Variants in MSRA observed in about 807,000 individuals in gnomAD.
MSRA encodes methionine sulfoxide reductase A.
In MSRA, 54 loss-of-function variants were observed where a neutral mutation model predicts 31.3. The ratio of observed to expected loss-of-function variants is 1.73; its 90% CI spans 1.39 to 2.17. The LOEUF is 2.17. Ranked by LOEUF, MSRA falls within the 30% of genes most tolerant of loss-of-function variation. MSRA has a pLI of 0.00. For missense variants in MSRA, 507 were observed against 300.9 expected, an observed-to-expected ratio of 1.69 and a Z score of -5.07; for synonymous variants, 169 against 116.5, an observed-to-expected ratio of 1.45 and a Z score of -2.90.
chr8:10,248,522 C>G (rs1424311228), intron 3 of MSRA, among the ~76,000 whole-genome samples: 1 of 152,188 alleles, frequency 6.6e-6, no homozygotes, highest in African/African-American at 2.4e-5. Flanking sequence ...TTTGCTACCC[C>G]TGCTGTGCCA....
At chr8:10,091,721 C>T (rs899237412) in intron 1 of MSRA, among the ~76,000 whole-genome samples, 1 of 151,938 alleles carries the variant, frequency 6.6e-6, no homozygotes, top group Non-Finnish European at 1.5e-5. Flanking sequence ...ATTCTCGTGC[C>T]TCAGCATCCC....
chr8:10,145,460 C>T (rs1471957882), intron 1 of MSRA, among the ~76,000 whole-genome samples: 1 of 152,100 alleles, frequency 6.6e-6, no homozygotes, highest in Admixed American at 6.5e-5. Flanking sequence ...AAGAGTGTAC[C>T]ATCTGATTTT....
intron 3 of MSRA, among the ~76,000 whole-genome samples, chr8:10,279,894 C>T (rs1799528128): frequency 6.6e-6 from 1 of 152,150 alleles, no homozygotes; most frequent in African/African-American, 2.4e-5. Flanking sequence ...ACTCAGTGTG[C>T]ATTAAATGTG....
intron 1 of MSRA, among the ~76,000 whole-genome samples, chr8:10,056,631 A>G (rs936141871): frequency 6.6e-6 from 1 of 151,678 alleles, no homozygotes. Flanking sequence ...TAGATTGTGG[A>G]CGTTCCAGTC....
intron 1 of MSRA, among the ~76,000 whole-genome samples, chr8:10,120,189 A>G (rs1188551987): frequency 6.6e-6 from 1 of 152,192 alleles, no homozygotes; most frequent in Non-Finnish European, 1.5e-5. Flanking sequence ...TGGTCCCAGC[A>G]GAGCACACAG....
intron 3 of MSRA, among the ~76,000 whole-genome samples, chr8:10,247,919 C>G (rs1343450996): frequency 5.9e-5 from 9 of 152,124 alleles, no homozygotes; most frequent in African/African-American, 2.2e-4. Flanking sequence ...AGGTCCCTCG[C>G]TAGAGTAATT....
At chr8:10,385,936 CA>C (rs1377070881) in intron 5 of MSRA, among the ~76,000 whole-genome samples, 1 of 152,130 alleles carries the variant, frequency 6.6e-6, no homozygotes, top group Non-Finnish European at 1.5e-5. Flanking sequence ...TACGCGATCA[CA>C]GACACCAGGA....
At chr8:10,117,290 A>G (rs1800756112) in intron 1 of MSRA, among the ~76,000 whole-genome samples, 1 of 152,176 alleles carries the variant, frequency 6.6e-6, no homozygotes, top group Non-Finnish European at 1.5e-5. Flanking sequence ...GGAGCAGAGC[A>G]CTGGGCATTT....
At chr8:10,151,336 G>T (rs1220965377) in intron 1 of MSRA, among the ~76,000 whole-genome samples, 1 of 151,736 alleles carries the variant, frequency 6.6e-6, no homozygotes, top group African/African-American at 2.4e-5. Context: ...ATTTAGAGAG[G>T]AAGGGACAGG....
intron 5 of MSRA, among the ~76,000 whole-genome samples, chr8:10,395,108 G>A (rs1203479028): frequency 1.3e-5 from 2 of 152,210 alleles, no homozygotes; most frequent in South Asian, 2.1e-4. Flanking sequence ...GATGAGCTCA[G>A]GATGGTTTAG....
intron 1 of MSRA, among the ~76,000 whole-genome samples, chr8:10,150,932 C>G (rs368191164): frequency 6.6e-6 from 1 of 152,062 alleles, no homozygotes; most frequent in Non-Finnish European, 1.5e-5. Flanking sequence ...CGTGGACAGA[C>G]CCGTGTCGCT....
chr8:10,427,081 A>G (rs1238064879), intron 5 of MSRA, among the ~76,000 whole-genome samples: 2 of 152,158 alleles, frequency 1.3e-5, no homozygotes, highest in Non-Finnish European at 2.9e-5. Context: ...TATTGGATGC[A>G]CTGTGCTTGG....
At chr8:10,154,181 A>C (rs994302398) in intron 1 of MSRA, among the ~76,000 whole-genome samples, 5 of 152,202 alleles carry the variant, frequency 3.3e-5, no homozygotes, top group African/African-American at 9.7e-5. Context: ...GAATTTGTCA[A>C]ACGCAGTCAC....
chr8:10,394,811 C>T (rs530622423), intron 5 of MSRA, among the ~76,000 whole-genome samples: 15 of 152,384 alleles, frequency 9.8e-5, no homozygotes, highest in Admixed American at 8.5e-4. Context: ...GTCCCACCTC[C>T]ACCCAGTATC....
In MSRA at chr8:10,172,526, G is replaced by A. The variant is rs1047386570; in HGVS notation, c.143-35307G>A. 9.2e-5 allele frequency among the ~76,000 whole-genome samples: 14 copies of A among 152,160 alleles called. 1 individual carries two copies. Among genetic ancestry groups the A allele is most frequent in the Non-Finnish European group, 1.5e-5 (1 of 68,032 alleles). Reference sequence around the variant, plus strand: ...GATGGCAGAGTATTAGCGTAGGGGCGGAGGTTAGGGAATATGCCAATTAGA... The same window carrying A: ...GATGGCAGAGTATTAGCGTAGGGGCAGAGGTTAGGGAATATGCCAATTAGA... On this transcript the variant is annotated intron_variant, in intron 1 of 5. Transcript: ENST00000317173.
intron 5 of MSRA, among the ~76,000 whole-genome samples, chr8:10,416,585 A>G (rs1474609198): frequency 6.6e-6 from 1 of 152,224 alleles, no homozygotes; most frequent in African/African-American, 2.4e-5. Flanking sequence ...GAGACCACCC[A>G]TGTGACTTTC....
At chr8:10,119,243 A>C (rs2129017058) in intron 1 of MSRA, among the ~76,000 whole-genome samples, 1 of 152,338 alleles carries the variant, frequency 6.6e-6, no homozygotes, top group East Asian at 1.9e-4. Context: ...TTGCTGTATA[A>C]TTTGTCCATA....
rs554745343 is a variant in MSRA, at chr8:10,187,714, T to A, written c.143-20119T>A. ...AATAGTTATTTGCTATTATTGTTTT[T>A]AAATTAATCCTAGAAGGTCCTTTAA... On this transcript the variant is annotated intron_variant, in intron 1 of 5. Coordinates refer to ENST00000317173, the MANE Select transcript of MSRA (RefSeq NM_012331.5). 1.3e-4 allele frequency among the ~76,000 whole-genome samples: 20 copies of A among 152,352 alleles called. No homozygotes were observed. In the South Asian group the frequency reaches 4.1e-3, roughly 32 times the overall value.
At chr8:10,362,822 C>A (rs1255885637) in intron 5 of MSRA, among the ~76,000 whole-genome samples, 1 of 151,990 alleles carries the variant, frequency 6.6e-6, no homozygotes, top group African/African-American at 2.4e-5. Context: ...CGCAACTGCC[C>A]GCGCCACCGG....
Sources: allele counts gnomAD v4.1 joint callset (sites outside exome capture counted in the v4.1 genomes callset), GRCh38; gene constraint gnomAD v4.1.1; transcripts MANE v1.5; gene names NCBI Gene and HGNC (gene_info 2026-07-23, HGNC 2026-07-21).